SENP1: variants seen among roughly 807,000 people sequenced by gnomAD.
The protein encoded by SENP1 is sentrin-specific protease 1.
SENP1 carries 21 observed loss-of-function variants against 93.0 expected under a neutral mutation model. The observed-to-expected ratio is 0.23, with a 90% CI of 0.16 to 0.33. SENP1 has a LOEUF of 0.33. Ranked by LOEUF, SENP1 falls within the 10% of genes least tolerant of loss-of-function variation. SENP1 has a pLI of 1.00. For missense variants in SENP1, 591 were observed against 758.7 expected, an observed-to-expected ratio of 0.78 and a Z score of 2.60; for synonymous variants, 256 against 259.6, an observed-to-expected ratio of 0.99 and a Z score of 0.13.
intron 5 of SENP1, among the ~76,000 whole-genome samples, chr12:48,086,115 G>A (rs2137167947): frequency 6.6e-6 from 1 of 152,244 alleles, no homozygotes; most frequent in South Asian, 2.1e-4. Flanking sequence ...ACAAAATACT[G>A]AATCCATAAT....
intron 5 of SENP1, among the ~76,000 whole-genome samples, chr12:48,086,176 T>C (rs1410236611): frequency 6.6e-6 from 1 of 152,230 alleles, no homozygotes; most frequent in Non-Finnish European, 1.5e-5. Context: ...GAAGTGTCTA[T>C]TTTACAAAAA....
chr12:48,094,648 C>G (rs750914549), intron 4 of SENP1, among the ~76,000 whole-genome samples: 7 of 152,062 alleles, frequency 4.6e-5, no homozygotes, highest in Admixed American at 2.6e-4. Flanking sequence ...CCATTACACT[C>G]TAGCCTGGGT....
At chr12:48,047,257 G>C (rs962615683) in intron 15 of SENP1, among the ~76,000 whole-genome samples, 195 bp from the exon 16 acceptor site, 3 of 152,136 alleles carry the variant, frequency 2.0e-5, no homozygotes, top group Non-Finnish European at 4.4e-5. Flanking sequence ...CTTCTAGCTT[G>C]TCTCTTCTAA....
rs865796366 is a variant in SENP1 at position 48,096,443 on chromosome 12, G to A, written c.136-16C>T. ...AAGATAAAATCTAAACAAAGCAGAA[G>A]ATTTTTCTTAAGTCACATTTTTTTT... On this transcript the variant is annotated splice_polypyrimidine_tract_variant and intron_variant, in intron 3 of 17. Transcript: ENST00000549518. 9 of 1,545,110 alleles carry A rather than the reference G, an allele frequency of 5.8e-6. No individual in the cohort carries two copies. The Middle Eastern group carries it at 1.4e-3, about 233-fold the overall frequency.
chr12:48,105,501 C>A, intron 1 of SENP1: 2 of 518,934 alleles, frequency 3.9e-6, no homozygotes, highest in South Asian at 2.8e-5. Context: ...GTGGCACTAG[C>A]GATATCACAT....
chr12:48,088,214 G>A (rs906560479), intron 5 of SENP1, among the ~76,000 whole-genome samples: 7 of 151,986 alleles, frequency 4.6e-5, no homozygotes, highest in Non-Finnish European at 8.8e-5. Context: ...CACCATGCCT[G>A]GCTAATTTTT....
chr12:48,057,289 G>C (rs1942611814), intron 13 of SENP1, among the ~76,000 whole-genome samples: 1 of 146,846 alleles, frequency 6.8e-6, no homozygotes, highest in Non-Finnish European at 1.5e-5. Context: ...GAGTGCAGTG[G>C]TGTGATCTTG....
chr12:48,105,923 G>A, intron 1 of SENP1, 105 bp downstream of exon 1: 1 of 663,608 alleles, frequency 1.5e-6, no homozygotes, highest in Non-Finnish European at 2.7e-6. Context: ...AGTGCTCCCC[G>A]CTTCCGCCCA....
intron 13 of SENP1, among the ~76,000 whole-genome samples, chr12:48,058,878 A>G (rs1342168790): frequency 6.6e-6 from 1 of 152,150 alleles, no homozygotes; most frequent in African/African-American, 2.4e-5. Context: ...TTACTTTTTG[A>G]AAGATATATT....
At chr12:48,069,911 A>C (rs909974117) in intron 9 of SENP1, among the ~76,000 whole-genome samples, 13 of 152,222 alleles carry the variant, frequency 8.5e-5, no homozygotes, top group Admixed American at 1.3e-4. Context: ...TGAGATGAGA[A>C]AGAATATTTC....
intron 1 of SENP1, chr12:48,105,085 G>A (rs1055618361): frequency 1.4e-5 from 3 of 215,856 alleles, no homozygotes; most frequent in African/African-American, 4.5e-5. Context: ...GAGATGATGA[G>A]ATCTAATACA....
intron 3 of SENP1, 97 bp downstream of exon 3, chr12:48,097,897 G>T: frequency 9.2e-7 from 1 of 1,082,946 alleles, no homozygotes; most frequent in Non-Finnish European, 1.3e-6. Context: ...TTATAGCTAT[G>T]CTTGTATTTT....
At chr12:48,087,076 A>C (rs183470346) in intron 5 of SENP1, among the ~76,000 whole-genome samples, 20 of 152,148 alleles carry the variant, frequency 1.3e-4, no homozygotes, top group Admixed American at 2.0e-4. Flanking sequence ...AAACAAAACA[A>C]AACAAAAAAA....
chr12:48,105,797 A>G, intron 1 of SENP1: 1 of 587,574 alleles, frequency 1.7e-6, no homozygotes, highest in South Asian at 2.0e-5. Flanking sequence ...AGAGACCAGA[A>G]GGAACGGCCT....
At chr12:48,095,957 G>A (rs1289889085) in intron 4 of SENP1, among the ~76,000 whole-genome samples, 1 of 152,168 alleles carries the variant, frequency 6.6e-6, no homozygotes, top group Non-Finnish European at 1.5e-5. Flanking sequence ...TAAATTTTCA[G>A]GTTTCATGGT....
intron 13 of SENP1, among the ~76,000 whole-genome samples, chr12:48,052,342 T>C (rs751544123): frequency 2.0e-5 from 3 of 152,190 alleles, no homozygotes; most frequent in Non-Finnish European, 4.4e-5. Flanking sequence ...TTCTCATGCT[T>C]ATAGTTTGAA....
intron 1 of SENP1, among the ~76,000 whole-genome samples, chr12:48,103,777 T>A (rs1398653029): frequency 6.6e-6 from 1 of 152,176 alleles, no homozygotes; most frequent in Non-Finnish European, 1.5e-5. Context: ...AGGTTAGTAG[T>A]GGAACACAAG....
At chr12:48,050,769 G>A (rs1364401193) in intron 13 of SENP1, among the ~76,000 whole-genome samples, 1 of 152,192 alleles carries the variant, frequency 6.6e-6, no homozygotes, top group Non-Finnish European at 1.5e-5. Context: ...TGTAAACTAT[G>A]TTCTCTAATG....
chr12:48,073,361 C>T (rs1262567744), intron 8 of SENP1, among the ~76,000 whole-genome samples: 2 of 149,100 alleles, frequency 1.3e-5, no homozygotes, highest in Admixed American at 1.3e-4. Context: ...TGTAGCTATA[C>T]AATGATGCTA....
Sources: gnomAD v4.1 joint callset for allele counts (sites outside exome capture counted in the v4.1 genomes callset) on GRCh38, gnomAD v4.1.1 for gene constraint, MANE v1.5 for transcripts, NCBI Gene and HGNC (gene_info 2026-07-23, HGNC 2026-07-21) for gene names.